Variants in RTN4RL2 observed in about 807,000 individuals in gnomAD.
The protein encoded by RTN4RL2 is reticulon-4 receptor-like 2.
In RTN4RL2, 9 loss-of-function variants were observed where a neutral mutation model predicts 27.8. That is an observed-to-expected ratio of 0.32 (90% confidence interval 0.20 to 0.57). RTN4RL2 has a LOEUF of 0.57. RTN4RL2 is among the 20% of genes least tolerant of loss of function. The pLI is 0.90. For missense variants in RTN4RL2, 436 were observed against 596.8 expected, an observed-to-expected ratio of 0.73 and a Z score of 2.81; for synonymous variants, 285 against 297.9, an observed-to-expected ratio of 0.96 and a Z score of 0.45.
At chr11:57,475,832 G>A (rs1165283894) in intron 2 of RTN4RL2, among the ~76,000 whole-genome samples, 1 of 152,120 alleles carries the variant, frequency 6.6e-6, no homozygotes, top group Non-Finnish European at 1.5e-5. Context: ...GGCTTCCCTG[G>A]GGAACCTGTA....
chr11:57,466,145 C>T (rs1026634223), intron 1 of RTN4RL2, among the ~76,000 whole-genome samples: 2 of 151,710 alleles, frequency 1.3e-5, no homozygotes, highest in African/African-American at 2.4e-5. Flanking sequence ...GGACTACAGG[C>T]GCCCGCCACC....
In RTN4RL2 at chr11:57,476,811, C is replaced by A. The variant is rs1392305908; in HGVS notation, c.1163C>A (p.Ala388Asp). 1.3e-6 allele frequency: 2 copies of A among 1,544,300 alleles called. No homozygotes were observed. The highest frequency in any genetic ancestry group is 8.7e-7 in the Non-Finnish European group (1 of 1,151,642). Reference protein sequence around the residue: ...DQRGEQMCPGAACQAPPDSRG... With the variant: ...DQRGEQMCPGDACQAPPDSRG... The stretch of plus-strand genomic sequence containing the variant: ...CGAGGGGAGCAGATGTGCCCCGGCG[C>A]TGCCTGCCAGGCGCCCCCGGACTCC... Residue 388 changes from alanine (A) to aspartate (D), a missense_variant, in exon 3 of 3, where the codon GCT becomes GAT. By Grantham distance (126) the Ala-to-Asp change is moderately radical. This residue lies in a region of RTN4RL2 where 60 missense variants were observed against 43.0 expected (regional missense o/e 1.40). Coordinates refer to ENST00000335099, the MANE Select transcript of RTN4RL2 (RefSeq NM_178570.3). The surrounding 1 kb of genome is among the most constrained non-coding windows in gnomAD (Gnocchi z 8.2).
At chr11:57,468,192 G>C (rs1943540436) in intron 2 of RTN4RL2, 102 bp downstream of exon 2, 5 of 1,241,596 alleles carry the variant, frequency 4.0e-6, no homozygotes, top group Non-Finnish European at 5.6e-6. Flanking sequence ...CTCTCCCCAG[G>C]CCACCCTTCC....
At chr11:57,475,495 G>C (rs1172208673) in intron 2 of RTN4RL2, among the ~76,000 whole-genome samples, 2 of 151,578 alleles carry the variant, frequency 1.3e-5, no homozygotes, top group African/African-American at 4.9e-5. Flanking sequence ...AGAGATGACT[G>C]GCTTGGCCAA....
rs1943598395 is a variant in RTN4RL2 at position 57,476,655 on chromosome 11, A to G, written c.1007A>G (p.Glu336Gly). 58 of 1,407,902 alleles carry G rather than the reference A, an allele frequency of 4.1e-5. No homozygotes were observed. The highest frequency in any genetic ancestry group is 5.3e-5 in the Non-Finnish European group (58 of 1,089,634). The allele number at this position is 1,407,902 out of a possible 1,614,324, so 87.2% of individuals were successfully genotyped here. A position where few individuals can be genotyped will look rare whatever the true frequency, so the allele number is the denominator to read the frequency against. The change falls in exon 3 of 3, where the codon GAG becomes GGG. Residue 336 changes from glutamate to glycine, a missense_variant. Physicochemically the swap from Glu to Gly is moderately conservative, Grantham distance 98 (BLOSUM62 -2). Transcript: ENST00000335099. This position sits in a 1 kb window ranked among gnomAD's most constrained non-coding sequence, Gnocchi z 8.2. ...TCCAACCACCTGTACGGGGTGGCCGAGGCCGGGGCGCCCCCAGCCGATCCC... is the reference window on the plus strand; with the variant it reads ...TCCAACCACCTGTACGGGGTGGCCGGGGCCGGGGCGCCCCCAGCCGATCCC... ...SSSNHLYGVA[E>G]AGAPPADPST...
chr11:57,475,222 T>C lies in RTN4RL2; in HGVS notation c.514-940T>C, dbSNP rs183648890. 2.2e-4 allele frequency among the ~76,000 whole-genome samples: 33 copies of C among 152,308 alleles called. No homozygotes were observed. In the East Asian group the frequency reaches 6.0e-3, roughly 28 times the overall value. ...GGGTTATACATAATAAGGAATATTG[T>C]ACATACTGAGGAACCTGAGACTCCA... On this transcript the variant is annotated intron_variant, in intron 2 of 2. Coordinates refer to ENST00000335099, the MANE Select transcript of RTN4RL2 (RefSeq NM_178570.3).
intron 2 of RTN4RL2, among the ~76,000 whole-genome samples, chr11:57,475,486 G>A (rs1186484407): frequency 6.6e-6 from 1 of 151,652 alleles, no homozygotes; most frequent in African/African-American, 2.4e-5. Context: ...CAGGCACAGA[G>A]AGATGACTGG....
intron 1 of RTN4RL2, among the ~76,000 whole-genome samples, chr11:57,465,141 C>A (rs1177076421): frequency 1.3e-5 from 2 of 152,022 alleles, no homozygotes; most frequent in African/African-American, 4.8e-5. Flanking sequence ...CACCCCGCAC[C>A]TGTGTGCTCC....
At chr11:57,471,664 C>T (rs1322150944) in intron 2 of RTN4RL2, among the ~76,000 whole-genome samples, 1 of 152,208 alleles carries the variant, frequency 6.6e-6, no homozygotes, top group Non-Finnish European at 1.5e-5. Flanking sequence ...CAGAGGACCA[C>T]AGCTTTTCAG....
chr11:57,467,798 C>G lies in RTN4RL2; in HGVS notation c.221C>G (p.Thr74Arg). 6.2e-7 allele frequency: 1 copy of G among 1,614,162 alleles called. No homozygotes were observed. The highest frequency in any genetic ancestry group is 8.5e-7 in the Non-Finnish European group (1 of 1,180,030). Residue 74 changes from threonine to arginine, a missense_variant, in exon 2 of 3, where the codon ACG becomes AGG. Thr to Arg is a moderately conservative substitution (Grantham distance 71). Around this residue, in one of 3 missense-constraint regions of RTN4RL2, gnomAD observed 365 missense variants for 530.5 expected, o/e 0.69. Transcript: ENST00000335099. The surrounding 1 kb of genome is among the most constrained non-coding windows in gnomAD (Gnocchi z 5.5). ...TTCCTGCAGAACAACCTCATCCGCA[C>G]GCTGCGGCCAGGCACCTTTGGGTCC... Reference protein sequence around the residue: ...RLFLQNNLIRTLRPGTFGSNL... With the variant: ...RLFLQNNLIRRLRPGTFGSNL...
At chr11:57,463,119 A>G (rs1183466956) in intron 1 of RTN4RL2, among the ~76,000 whole-genome samples, 2 of 152,062 alleles carry the variant, frequency 1.3e-5, no homozygotes, top group African/African-American at 4.8e-5. Flanking sequence ...CTCTTTTCCA[A>G]TCTGGGTTCC....
intron 1 of RTN4RL2, among the ~76,000 whole-genome samples, chr11:57,461,497 A>G (rs1267423039): frequency 6.7e-6 from 1 of 149,784 alleles, no homozygotes; most frequent in East Asian, 2.0e-4. Context: ...AGATGGAGAA[A>G]GTGGTGAGGG....
Position 57,476,363 on chromosome 11 carries a change from C to T in RTN4RL2, c.715C>T (p.Leu239=), listed in dbSNP as rs760505411. ...CATCCTCTACCTGTTCAACAACAGC[C>T]TGGCCTCGCTGCCCGGCGAGGCGCT... is the stretch of plus-strand genomic sequence containing the variant. The part of the protein sequence containing the change: ...LTILYLFNNS[L]ASLPGEALAD... Residue 239 remains leucine, a synonymous_variant, in exon 3 of 3, where the codon CTG becomes TTG. Transcript: ENST00000335099. The surrounding 1 kb of genome is among the most constrained non-coding windows in gnomAD (Gnocchi z 8.2). 69 of 1,610,004 alleles carry T rather than the reference C, an allele frequency of 4.3e-5. 1 individual carries two copies. The South Asian group carries it at 7.0e-4, about 16-fold the overall frequency.
chr11:57,465,863 A>AG (rs1943519602), intron 1 of RTN4RL2, among the ~76,000 whole-genome samples: 2 of 151,854 alleles, frequency 1.3e-5, no homozygotes, highest in East Asian at 1.9e-4. Context: ...AAAAAAAAAA[A>AG]AGCTTTGGCT....
At chr11:57,465,002 G>A (rs1056853091) in intron 1 of RTN4RL2, among the ~76,000 whole-genome samples, 13 of 152,266 alleles carry the variant, frequency 8.5e-5, no homozygotes, top group Non-Finnish European at 1.9e-4. Context: ...CACGGGGCCC[G>A]GCGCTCACAC....
chr11:57,462,276 C>T (rs1029909279), intron 1 of RTN4RL2, among the ~76,000 whole-genome samples: 8 of 152,082 alleles, frequency 5.3e-5, no homozygotes, highest in South Asian at 2.1e-4. Context: ...CTCCGTCACC[C>T]GCGTCAGTGC....
intron 2 of RTN4RL2, among the ~76,000 whole-genome samples, chr11:57,473,119 T>C (rs982848328): frequency 2.0e-5 from 3 of 152,234 alleles, no homozygotes; most frequent in Admixed American, 6.5e-5. Flanking sequence ...CTGACGCCGA[T>C]GATGACGATG....
Position 57,460,725 on chromosome 11 carries a change from C to G in RTN4RL2, c.-141C>G, listed in dbSNP as rs888308564. ...GCAGCCCGGGCGGCGCAGGGTAGAGCGCCGCGGCCCGGCCACGCAGCCCGG... is the reference window on the plus strand; with the variant it reads ...GCAGCCCGGGCGGCGCAGGGTAGAGGGCCGCGGCCCGGCCACGCAGCCCGG... On this transcript the variant is annotated 5_prime_UTR_variant, in exon 1 of 3. Transcript: ENST00000335099. The G allele has an allele frequency of 4.2e-5, 16 of 376,906 alleles. No individual in the cohort carries two copies. In the East Asian group the frequency reaches 6.5e-4, roughly 15 times the overall value. The allele number at this position is 376,906 out of a possible 1,614,324, so 23.3% of individuals were successfully genotyped here. A position where few individuals can be genotyped will look rare whatever the true frequency, so the allele number is the denominator to read the frequency against.
Position 57,460,794 on chromosome 11 carries a change from C to G in RTN4RL2, c.-72C>G, listed in dbSNP as rs906181361. On this transcript the variant is annotated 5_prime_UTR_variant, in exon 1 of 3. Transcript: ENST00000335099. ...GGAGCCCCGCGGGGTCCCCGCCGTGCATCCGGCGGGCTCAGGGAGCGAGTG... is the reference window on the plus strand; with the variant it reads ...GGAGCCCCGCGGGGTCCCCGCCGTGGATCCGGCGGGCTCAGGGAGCGAGTG... 3.5e-6 allele frequency: 3 copies of G among 863,394 alleles called. No homozygotes were observed. The African/African-American group carries it at 5.4e-5, about 15-fold the overall frequency. 53.5% of individuals were successfully genotyped at this position (863,394 alleles called of 1,614,324 possible).
Sources: gnomAD v4.1 joint callset for allele counts (sites outside exome capture counted in the v4.1 genomes callset) on GRCh38, gnomAD v4.1.1 for gene constraint, gnomAD v4.1.1 regional missense constraint, Gnocchi (gnomAD v3.1) non-coding constraint, MANE v1.5 for transcripts, NCBI Gene and HGNC (gene_info 2026-07-23, HGNC 2026-07-21) for gene names.